DHX36: variants seen among roughly 807,000 people sequenced by gnomAD.
DHX36 encodes the protein ATP-dependent DNA/RNA helicase DHX36.
In DHX36, 50 loss-of-function variants were observed where a neutral mutation model predicts 139.0. That is an observed-to-expected ratio of 0.36 (90% CI 0.29 to 0.46). The LOEUF (loss-of-function observed/expected upper bound fraction) is 0.46. Ranked by LOEUF, DHX36 falls within the 20% of genes least tolerant of loss-of-function variation. DHX36 has a pLI of 1.00. For synonymous variants in DHX36, 425 were observed against 401.9 expected (o/e 1.06, Z -0.69); for missense variants, 1,024 against 1,211.3 (o/e 0.85, Z 2.29).
chr3:154,318,318 A>T (rs1314032520), intron 1 of DHX36, among the ~76,000 whole-genome samples: 1 of 152,120 alleles, frequency 6.6e-6, no homozygotes, highest in Non-Finnish European at 1.5e-5. Flanking sequence ...AAGTCCTCTT[A>T]AGGTTTTTTG....
rs1711711502 is a variant in DHX36, at chr3:154,289,829, T to A, written c.1815-3A>T. Reference sequence around the variant, plus strand: ...GATAGCAATGACCAGGTTGAACTCTTAAAAAAAAAACAAAACAAAATGAAA... The same window carrying A: ...GATAGCAATGACCAGGTTGAACTCTAAAAAAAAAAACAAAACAAAATGAAA... On this transcript the variant is annotated splice_region_variant and splice_polypyrimidine_tract_variant and intron_variant, in intron 15 of 24. Coordinates refer to ENST00000496811, the MANE Select transcript of DHX36 (RefSeq NM_020865.3). 3 of 1,395,078 alleles carry A rather than the reference T, an allele frequency of 2.2e-6. No homozygotes were observed. The highest frequency in any genetic ancestry group is 1.4e-5 in the South Asian group (1 of 72,700). The allele number at this position is 1,395,078 out of a possible 1,614,324, so 86.4% of individuals were successfully genotyped here.
rs752969940 is a variant in DHX36, at chr3:154,309,686, A to C, written c.780T>G (p.Val260=). The C allele has an allele frequency of 6.2e-7, 1 of 1,611,374 alleles. No homozygotes were observed. The highest frequency in any genetic ancestry group is 1.1e-5 in the South Asian group (1 of 90,278). The part of the protein sequence containing the change: ...ERGKGSACRI[V]CTQPRRISAI... ...CACTAATTCTTCTTGGCTGAGTACA[A>C]ACTATTCTGCAAGCAGATCCTTTTC... The change falls in exon 5 of 25, where the codon GTT becomes GTG. Residue 260 remains valine, a synonymous_variant. Coordinates refer to ENST00000496811, the MANE Select transcript of DHX36 (RefSeq NM_020865.3).
intron 15 of DHX36, 52 bp from the exon 16 acceptor site, chr3:154,289,878 C>G (rs1306431696): frequency 8.8e-7 from 1 of 1,135,358 alleles, no homozygotes; most frequent in Non-Finnish European, 1.3e-6. Context: ...TCATCAATGA[C>G]TTTTTAGAAC....
Position 154,316,082 on chromosome 3 carries a change from C to G in DHX36, c.325G>C (p.Glu109Gln). 1 of 1,613,236 alleles carries G rather than the reference C, an allele frequency of 6.2e-7. No individual in the cohort carries two copies. The highest frequency in any genetic ancestry group is 8.5e-7 in the Non-Finnish European group (1 of 1,179,528). The stretch of plus-strand genomic sequence containing the variant: ...AACCAGGATATCTGTGCTTCTGACT[C>G]TTTATCATTCTTCGCTTGAACAGAA... Reference protein sequence around the residue: ...LNSVQAKNDKESEAQISWFAP... With the variant: ...LNSVQAKNDKQSEAQISWFAP... Residue 109 changes from glutamate to glutamine, a missense_variant, in exon 2 of 25, where the codon GAG becomes CAG. This residue lies in a region of DHX36 where 293 missense variants were observed against 274.4 expected (regional missense o/e 1.07). Transcript: ENST00000496811.
chr3:154,293,648 C>CA, intron 14 of DHX36, 100 bp downstream of exon 14: 7 of 809,130 alleles, frequency 8.7e-6, no homozygotes, highest in Non-Finnish European at 1.4e-5. Context: ...TAATAAATTA[C>CA]AAGGTATATG....
intron 8 of DHX36, 48 bp downstream of exon 8, chr3:154,304,758 T>A (rs1712434948): frequency 7.2e-7 from 1 of 1,389,998 alleles, no homozygotes; most frequent in Admixed American, 2.6e-5. Context: ...TTTTTTTAAT[T>A]GTTTTTCTAG....
At chr3:154,287,638 G>A (rs193209425) in intron 17 of DHX36, among the ~76,000 whole-genome samples, 47 of 151,988 alleles carry the variant, frequency 3.1e-4, no homozygotes, top group African/African-American at 1.0e-3. Context: ...TCCAACCTGC[G>A]TGACAGAGTG....
In DHX36 at chr3:154,324,426, A is replaced by G. The variant is rs377011840; in HGVS notation, c.-10T>C. ...GGTAGTCATAACTCATTGTCCTGGC[A>G]GACTACAACCCGTCAGAACCAGCAA... On this transcript the variant is annotated 5_prime_UTR_variant, in exon 1 of 25. Coordinates refer to ENST00000496811, the MANE Select transcript of DHX36 (RefSeq NM_020865.3). 134 of 1,494,860 alleles carry G rather than the reference A, an allele frequency of 9.0e-5. No homozygotes were observed. The highest frequency in any genetic ancestry group is 1.1e-4 in the Non-Finnish European group (129 of 1,123,158). The allele number at this position is 1,494,860 out of a possible 1,614,324, so 92.6% of individuals were successfully genotyped here. A position where few individuals can be genotyped will look rare whatever the true frequency, so the allele number is the denominator to read the frequency against.
chr3:154,316,035 G>A lies in DHX36; in HGVS notation c.368+4C>T, dbSNP rs776873702. On this transcript the variant is annotated splice_donor_region_variant and intron_variant, in intron 2 of 24. Transcript: ENST00000496811. ...ATTCTTTAAAAAAATATTTCTTGTC[G>A]TACCCATGATCCTCAGGAGCAAACC... 150 of 1,610,392 alleles carry A rather than the reference G, an allele frequency of 9.3e-5. No individual in the cohort carries two copies. The highest frequency in any genetic ancestry group is 1.2e-4 in the Non-Finnish European group (144 of 1,178,666).
rs567145979 is a variant in DHX36, at chr3:154,311,775, A to T, written c.604-101T>A. ...CACAGGGTAAATTGGCTAGAATCCG[A>T]AAGTATTTTTATTATCTCATGGCTT... On this transcript the variant is annotated intron_variant, in intron 3 of 24. Transcript: ENST00000496811. 4 of 837,204 alleles carry T rather than the reference A, an allele frequency of 4.8e-6. No homozygotes were observed. The South Asian group carries it at 5.6e-5, about 12-fold the overall frequency. The allele number at this position is 837,204 out of a possible 1,614,324, so 51.9% of individuals were successfully genotyped here.
At chr3:154,283,731 T>C (rs1576857379) in intron 19 of DHX36, among the ~76,000 whole-genome samples, 1 of 152,146 alleles carries the variant, frequency 6.6e-6, no homozygotes, top group South Asian at 2.1e-4. Context: ...TCCCATAATA[T>C]GTCACATGAA....
chr3:154,276,696 C>A (rs776952795), intron 24 of DHX36, 51 bp downstream of exon 24: 1 of 1,566,822 alleles, frequency 6.4e-7, no homozygotes, highest in South Asian at 1.1e-5. Context: ...AACCACATGA[C>A]CACATGCTGA....
chr3:154,299,069 C>T (rs999924862), intron 12 of DHX36, among the ~76,000 whole-genome samples: 1 of 151,942 alleles, frequency 6.6e-6, no homozygotes, highest in African/African-American at 2.4e-5. Context: ...GTCTGGAGTT[C>T]GAGACCAGCC....
rs1398321666 is a variant in DHX36, at chr3:154,279,844, T to A, written c.2567+735A>T. ...CAATGACTGTTTTAATGCCCACCTA[T>A]GGAGATGCATTACAGTATTATAAAA... On this transcript the variant is annotated intron_variant, in intron 22 of 24. Coordinates refer to ENST00000496811, the MANE Select transcript of DHX36 (RefSeq NM_020865.3). 3 of 152,228 alleles carry A rather than the reference T, an allele frequency of 2.0e-5. No individual in the cohort carries two copies. The East Asian group carries it at 5.8e-4, about 29-fold the overall frequency. 9.4% of individuals were successfully genotyped at this position (152,228 alleles called of 1,614,324 possible).
At chr3:154,287,353 G>A (rs1366697750) in intron 17 of DHX36, among the ~76,000 whole-genome samples, 3 of 152,090 alleles carry the variant, frequency 2.0e-5, no homozygotes, top group African/African-American at 7.2e-5. Flanking sequence ...ACATCTTACT[G>A]CATTAAAATT....
chr3:154,305,318 A>C (rs1712456789), intron 6 of DHX36, 150 bp from the exon 7 acceptor site: 18 of 606,330 alleles, frequency 3.0e-5, no homozygotes, highest in Non-Finnish European at 1.4e-5. Flanking sequence ...CACCTACCAC[A>C]ATGGGGTAAT....
chr3:154,300,636 A>G lies in DHX36; in HGVS notation c.1419T>C (p.Asn473=). The G allele has an allele frequency of 6.2e-7, 1 of 1,613,940 alleles. No homozygotes were observed. The highest frequency in any genetic ancestry group is 8.5e-7 in the Non-Finnish European group (1 of 1,179,916). The part of the protein sequence containing the change: ...EMMEDDKVDL[N]LIVALIRYIV... Reference sequence around the variant, plus strand: ...TGTATCGGATGAGGGCAACAATCAAATTCAGATCAACTTTATCATCCTCCA... The same window carrying G: ...TGTATCGGATGAGGGCAACAATCAAGTTCAGATCAACTTTATCATCCTCCA... Residue 473 remains asparagine, a synonymous_variant, in exon 11 of 25, where the codon AAT becomes AAC. Transcript: ENST00000496811.
chr3:154,324,398 G>T lies in DHX36; in HGVS notation c.19C>A (p.Gln7Lys), dbSNP rs748752789. Reference sequence around the variant, plus strand: ...GGACCCCCATCACGGCCCCAGTTCTGATGGTAGTCATAACTCATTGTCCTG... The same window carrying T: ...GGACCCCCATCACGGCCCCAGTTCTTATGGTAGTCATAACTCATTGTCCTG... MSYDYH[Q>K]NWGRDGGPRS... The change falls in exon 1 of 25, where the codon CAG (glutamine) becomes AAG (lysine). Residue 7 changes from glutamine (Q) to lysine (K), a missense_variant. Around this residue, in one of 4 missense-constraint regions of DHX36, gnomAD observed 293 missense variants for 274.4 expected, o/e 1.07. Transcript: ENST00000496811. 5 of 1,562,012 alleles carry T rather than the reference G, an allele frequency of 3.2e-6. No homozygotes were observed. The highest frequency in any genetic ancestry group is 1.9e-5 in the Admixed American group (1 of 53,532).
At chr3:154,300,535 C>T (rs557262709) in intron 11 of DHX36, 59 bp downstream of exon 11, 477 of 1,342,616 alleles carry the variant, frequency 3.6e-4, no homozygotes, top group Middle Eastern at 1.5e-3. Flanking sequence ...TTTTTCATGG[C>T]CTTGATACGT....
Sources: allele counts gnomAD v4.1 joint callset (sites outside exome capture counted in the v4.1 genomes callset), GRCh38; gene constraint gnomAD v4.1.1; regional missense constraint gnomAD v4.1.1; transcripts MANE v1.5; gene names NCBI Gene and HGNC (gene_info 2026-07-23, HGNC 2026-07-21).